The following ABCC5 variants were observed in gnomAD, a reference collection of about 807,000 sequenced individuals.
ABCC5 encodes the protein ATP-binding cassette sub-family C member 5.
A neutral mutation model predicts 160.9 loss-of-function variants in ABCC5; 61 were observed. That is an observed-to-expected ratio of 0.38 (90% CI 0.31 to 0.47). ABCC5 has a LOEUF of 0.47. Among genes scored for constraint, ABCC5 ranks in the 20% least tolerant of loss-of-function variants. The probability of loss-of-function intolerance (pLI) is 0.99; values close to 1 mark genes in which losing one functional copy is unlikely to be tolerated. For missense variants in ABCC5, 1,308 were observed against 1,813.3 expected (o/e 0.72, Z 5.06); for synonymous variants, 666 against 700.6 (o/e 0.95, Z 0.78).
chr3:183,959,440 T>C (rs1224529005), intron 17 of ABCC5, among the ~76,000 whole-genome samples: 1 of 152,148 alleles, frequency 6.6e-6, no homozygotes, highest in African/African-American at 2.4e-5. Flanking sequence ...GTACCCACCA[T>C]TCGATTTTTC....
At chr3:183,992,774 G>GCGAGACTC (rs1261224746) in intron 2 of ABCC5, among the ~76,000 whole-genome samples, 1 of 151,934 alleles carries the variant, frequency 6.6e-6, no homozygotes, top group Non-Finnish European at 1.5e-5. Context: ...GAGCGAAAGA[G>GCGAGACTC]CGAGACTCCG....
chr3:183,957,807 C>G (rs868726566), intron 17 of ABCC5, among the ~76,000 whole-genome samples: 2 of 102,372 alleles, frequency 2.0e-5, no homozygotes, highest in South Asian at 3.4e-4. Flanking sequence ...ATCGGTTACA[C>G]GCAGATCCGT....
chr3:183,922,635 G>A (rs1292727460), intron 29 of ABCC5, among the ~76,000 whole-genome samples: 2 of 152,216 alleles, frequency 1.3e-5, no homozygotes, highest in African/African-American at 4.8e-5. Context: ...AACCCTGAAT[G>A]ATACGCTGGC....
At chr3:183,922,856 G>GACACGTGTCCTTCCT (rs1445975867) in intron 29 of ABCC5, among the ~76,000 whole-genome samples, 3 of 152,194 alleles carry the variant, frequency 2.0e-5, no homozygotes, top group East Asian at 3.8e-4. Context: ...CCTTCCTTTG[G>GACACGTGTCCTTCCT]TTGGGTGCTT....
Position 183,947,338 on chromosome 3 carries a change from A to C in ABCC5, c.3400T>G (p.Ser1134Ala). ...CAGAGACTGACCTGGACAGCATAAG[A>C]GATGGCGAGACCCGCATAGGCTGGG... is the stretch of plus-strand genomic sequence containing the variant. Reference protein sequence around the residue: ...IPPAYAGLAISYAVQLTGLFQ... With the variant: ...IPPAYAGLAIAYAVQLTGLFQ... The change falls in exon 23 of 30, where the codon TCT (serine) becomes GCT (alanine). Residue 1134 changes from serine (S) to alanine (A), a missense_variant. Around this residue, in one of 3 missense-constraint regions of ABCC5, gnomAD observed 1,142 missense variants for 1,527.1 expected, o/e 0.75. Transcript: ENST00000334444. 6.2e-7 allele frequency: 1 copy of C among 1,611,576 alleles called. No homozygotes were observed. Among genetic ancestry groups the C allele is most frequent in the East Asian group, 2.2e-5 (1 of 44,816 alleles).
At position 183,927,395 on chromosome 3, in the gene ABCC5, C is replaced by A. The variant is rs756477346; in HGVS notation, c.3982G>T (p.Asp1328Tyr). 1.9e-6 allele frequency: 3 copies of A among 1,613,832 alleles called. No homozygotes were observed. Among genetic ancestry groups the A allele is most frequent in the Non-Finnish European group, 2.5e-6 (3 of 1,179,868 alleles). ...KLESEVMENG[D>Y]NFSVGERQLL... ...TGCCGTTCCCCCACTGAGAAGTTAT[C>A]CCCATTCTCCATCACTTCAGATTCA... The change falls in exon 28 of 30, where the codon GAT becomes TAT. Residue 1328 changes from aspartate (D) to tyrosine (Y), a missense_variant. This residue lies in a region of ABCC5 where 163 missense variants were observed against 269.7 expected (regional missense o/e 0.60). Coordinates refer to ENST00000334444, the MANE Select transcript of ABCC5 (RefSeq NM_005688.4).
intron 1 of ABCC5, among the ~76,000 whole-genome samples, chr3:184,016,903 T>A (rs1422199612): frequency 6.6e-6 from 1 of 152,212 alleles, no homozygotes. Flanking sequence ...CAGACTGGTG[T>A]GTGCAAGCTG....
intron 18 of ABCC5, among the ~76,000 whole-genome samples, 184 bp from the exon 19 acceptor site, chr3:183,952,187 C>T (rs1183594058): frequency 6.7e-6 from 1 of 149,642 alleles, no homozygotes; most frequent in Non-Finnish European, 1.5e-5. Context: ...CACTCTGTCA[C>T]CCAGGCTGGA....
Position 183,921,468 on chromosome 3 carries a change from G to C in ABCC5, c.4213-67C>G. The C allele has an allele frequency of 2.0e-6, 3 of 1,465,350 alleles. No individual in the cohort carries two copies. Among genetic ancestry groups the C allele is most frequent in the Non-Finnish European group, 2.8e-6 (3 of 1,083,710 alleles). The allele number at this position is 1,465,350 out of a possible 1,614,324, so 90.8% of individuals were successfully genotyped here. On this transcript the variant is annotated intron_variant, in intron 29 of 29. Coordinates refer to ENST00000334444, the MANE Select transcript of ABCC5 (RefSeq NM_005688.4). This position sits in a 1 kb window ranked among gnomAD's most constrained non-coding sequence, Gnocchi z 4.1. ...ATGCAGGGTGATTCAGAGGATCCAC[G>C]GCTCAGTAAGTGCCAGTGCCCTCTG... is the stretch of plus-strand genomic sequence containing the variant.
rs560373943 is a variant in ABCC5 at position 183,965,482 on chromosome 3, C to T, written c.1853G>A (p.Ser618Asn). 2 of 1,613,718 alleles carry T rather than the reference C, an allele frequency of 1.2e-6. No homozygotes were observed. The highest frequency in any genetic ancestry group is 1.3e-5 in the African/African-American group (1 of 75,034). The change falls in exon 13 of 30, where the codon AGC (serine) becomes AAC (asparagine). Residue 618 changes from serine (S) to asparagine (N), a missense_variant. Coordinates refer to ENST00000334444, the MANE Select transcript of ABCC5 (RefSeq NM_005688.4). ...AGCGAAGGTTCCACTGATTGCAATGCTGCCCTCTAGAAGCGTCATCTAGGG... is the reference window on the plus strand; with the variant it reads ...AGCGAAGGTTCCACTGATTGCAATGTTGCCCTCTAGAAGCGTCATCTAGGG... Reference protein sequence around the residue: ...ILGQMTLLEGSIAISGTFAYV... With the variant: ...ILGQMTLLEGNIAISGTFAYV...
intron 8 of ABCC5, among the ~76,000 whole-genome samples, chr3:183,979,731 C>T (rs1718540322): frequency 6.6e-6 from 1 of 152,038 alleles, no homozygotes; most frequent in South Asian, 2.1e-4. Flanking sequence ...CAGATGTGCA[C>T]TACCATGCCC....
At chr3:183,996,063 TCC>T (rs1188940032) in intron 2 of ABCC5, among the ~76,000 whole-genome samples, 2 of 152,150 alleles carry the variant, frequency 1.3e-5, no homozygotes, top group African/African-American at 4.8e-5. Context: ...TGCCTCGGCC[TCC>T]CAAAGTGTTG....
chr3:183,943,790 T>C (rs4148590), intron 24 of ABCC5, among the ~76,000 whole-genome samples: 10,719 of 152,210 alleles, frequency 0.07, 462 homozygotes, highest in East Asian at 0.17. Context: ...CCACTGACCG[T>C]AATCCTAACC....
intron 8 of ABCC5, among the ~76,000 whole-genome samples, chr3:183,978,869 T>A (rs1718452271): frequency 6.6e-6 from 1 of 152,232 alleles, no homozygotes; most frequent in African/African-American, 2.4e-5. Flanking sequence ...ATGAACTCAA[T>A]CATCATCTTC....
intron 15 of ABCC5, 148 bp from the exon 16 acceptor site, chr3:183,961,802 CAG>C (rs1349565288): frequency 3.1e-6 from 3 of 976,714 alleles, no homozygotes; most frequent in Non-Finnish European, 4.5e-6. Flanking sequence ...TTTTTTGAGG[CAG>C]AGTCTTGCTC....
In ABCC5 at chr3:183,963,606, T is replaced by C. The variant is rs369611216; in HGVS notation, c.2032-18A>G. On this transcript the variant is annotated intron_variant, in intron 14 of 29. Coordinates refer to ENST00000334444, the MANE Select transcript of ABCC5 (RefSeq NM_005688.4). The surrounding 1 kb of genome is among the most constrained non-coding windows in gnomAD (Gnocchi z 4.6). Reference sequence around the variant, plus strand: ...TCTCCAATCTACAAGAGCCCAGAAGTGTGGTGAAGCCTCCAGCGCAAGTCC... The same window carrying C: ...TCTCCAATCTACAAGAGCCCAGAAGCGTGGTGAAGCCTCCAGCGCAAGTCC... 7.0e-5 allele frequency: 113 copies of C among 1,612,566 alleles called. No homozygotes were observed. Among genetic ancestry groups the C allele is most frequent in the Non-Finnish European group, 8.3e-5 (98 of 1,179,796 alleles).
At position 183,922,670 on chromosome 3, in the gene ABCC5, C is replaced by T. The variant is rs538821370; in HGVS notation, c.4213-1269G>A. On this transcript the variant is annotated intron_variant, in intron 29 of 29. Coordinates refer to ENST00000334444, the MANE Select transcript of ABCC5 (RefSeq NM_005688.4). ...CAGAACCCACCTCCTGTGGCAGAGG[C>T]TGAAATGCATGTACTCAACTTTCTC... 1.2e-4 allele frequency among the ~76,000 whole-genome samples: 18 copies of T among 152,352 alleles called. No homozygotes were observed. The South Asian group carries it at 3.5e-3, about 30-fold the overall frequency.
At chr3:183,999,132 AT>A (rs1720538971) in intron 2 of ABCC5, among the ~76,000 whole-genome samples, 1 of 151,576 alleles carries the variant, frequency 6.6e-6, no homozygotes, top group African/African-American at 2.4e-5. Context: ...AAATAACAGC[AT>A]CTTTATACTA....
At chr3:184,003,175 C>T (rs993902997) in intron 2 of ABCC5, among the ~76,000 whole-genome samples, 10 of 151,910 alleles carry the variant, frequency 6.6e-5, no homozygotes, top group African/African-American at 1.9e-4. Flanking sequence ...AACTGTTGTG[C>T]CACTAGATAT....
Sources: gnomAD v4.1 joint callset for allele counts (sites outside exome capture counted in the v4.1 genomes callset) on GRCh38, gnomAD v4.1.1 for gene constraint, gnomAD v4.1.1 regional missense constraint, Gnocchi (gnomAD v3.1) non-coding constraint, MANE v1.5 for transcripts, NCBI Gene and HGNC (gene_info 2026-07-23, HGNC 2026-07-21) for gene names.